The following TMEM108 variants were observed in gnomAD, a reference collection of about 807,000 sequenced individuals.
The protein encoded by TMEM108 is cancer/testis antigen 124.
A neutral mutation model predicts 35.1 loss-of-function variants in TMEM108; 12 were observed. That is an observed-to-expected ratio of 0.34 (90% CI 0.22 to 0.55). The LOEUF (loss-of-function observed/expected upper bound fraction) is 0.55. Ranked by LOEUF, TMEM108 falls within the 20% of genes least tolerant of loss-of-function variation. The pLI, the probability that TMEM108 is intolerant of heterozygous loss-of-function variation, is 0.89. For missense variants in TMEM108, 680 were observed against 753.3 expected (o/e 0.90, Z 1.14); for synonymous variants, 287 against 308.6 (o/e 0.93, Z 0.73).
At chr3:133,117,723 A>G (rs1944304635) in intron 2 of TMEM108, among the ~76,000 whole-genome samples, 1 of 152,242 alleles carries the variant, frequency 6.6e-6, no homozygotes, top group Admixed American at 6.5e-5. Flanking sequence ...TGTCTTGCAC[A>G]CAATAAATGT....
At chr3:133,062,515 C>A (rs1943548378) in intron 2 of TMEM108, among the ~76,000 whole-genome samples, 2 of 152,150 alleles carry the variant, frequency 1.3e-5, no homozygotes, top group African/African-American at 4.8e-5. Context: ...TATAGTCTTA[C>A]CATAAGAATT....
chr3:133,289,911 C>G (rs753896038), intron 3 of TMEM108, among the ~76,000 whole-genome samples: 16 of 152,146 alleles, frequency 1.1e-4, no homozygotes, highest in Non-Finnish European at 2.1e-4. Context: ...TGGCTCACCC[C>G]CCTCATTAGA....
chr3:133,279,495 A>C (rs1350120102), intron 3 of TMEM108, among the ~76,000 whole-genome samples: 1 of 152,242 alleles, frequency 6.6e-6, no homozygotes, highest in Non-Finnish European at 1.5e-5. Context: ...GGTAGGTTAA[A>C]GGAAAATATT....
At chr3:133,179,195 T>G (rs1945289528) in intron 2 of TMEM108, among the ~76,000 whole-genome samples, 1 of 151,576 alleles carries the variant, frequency 6.6e-6, no homozygotes, top group Non-Finnish European at 1.5e-5. Flanking sequence ...GGAACACTTT[T>G]ACACTGTTGG....
At chr3:133,323,752 A>C (rs780580500) in intron 3 of TMEM108, among the ~76,000 whole-genome samples, 1 of 152,216 alleles carries the variant, frequency 6.6e-6, no homozygotes, top group Non-Finnish European at 1.5e-5. Flanking sequence ...ATCTGTTGGC[A>C]TCACATTACC....
intron 2 of TMEM108, among the ~76,000 whole-genome samples, chr3:133,175,533 A>C (rs1192431290): frequency 6.6e-6 from 1 of 152,198 alleles, no homozygotes; most frequent in Non-Finnish European, 1.5e-5. Flanking sequence ...TTCTTAAAGA[A>C]AAGAATTTTC....
intron 3 of TMEM108, among the ~76,000 whole-genome samples, chr3:133,309,682 CTTTTTTTTTTTTTTTTT>C (rs148272827): frequency 3.2e-4 from 22 of 69,196 alleles, no homozygotes; most frequent in Non-Finnish European, 3.9e-4. Flanking sequence ...GAGTGAGTTT[CTTTTTTTTTTTTTTTTT>C]TTTTTTTTTT....
At chr3:133,084,140 T>C (rs1252333254) in intron 2 of TMEM108, among the ~76,000 whole-genome samples, 1 of 151,868 alleles carries the variant, frequency 6.6e-6, no homozygotes, top group African/African-American at 2.4e-5. Context: ...AAAACAGTGA[T>C]TAGGAAATTT....
intron 3 of TMEM108, among the ~76,000 whole-genome samples, chr3:133,293,456 T>C (rs1947101042): frequency 6.6e-6 from 1 of 151,244 alleles, no homozygotes; most frequent in African/African-American, 2.4e-5. Context: ...GGCTATTAAA[T>C]GAATGAGGTT....
chr3:133,105,689 C>G (rs1354235711), intron 2 of TMEM108, among the ~76,000 whole-genome samples: 1 of 152,146 alleles, frequency 6.6e-6, no homozygotes, highest in African/African-American at 2.4e-5. Context: ...CCCAAACTTC[C>G]ACGACTTTCT....
chr3:133,278,996 T>C (rs1197044257), intron 3 of TMEM108, among the ~76,000 whole-genome samples: 1 of 152,136 alleles, frequency 6.6e-6, no homozygotes, highest in African/African-American at 2.4e-5. Context: ...CACCCTTGAG[T>C]TGATTCTTGA....
At chr3:133,178,291 T>C (rs1945270273) in intron 2 of TMEM108, among the ~76,000 whole-genome samples, 1 of 152,216 alleles carries the variant, frequency 6.6e-6, no homozygotes, top group African/African-American at 2.4e-5. Context: ...AATGACTGTC[T>C]TCACAGAATT....
Position 133,352,708 on chromosome 3 carries a change from A to G in TMEM108, c.41-27044A>G, listed in dbSNP as rs75953764. On this transcript the variant is annotated intron_variant, in intron 3 of 5. Transcript: ENST00000321871. ...AAAGAAGACGTGCCTAGGGCAAGGT[A>G]TATGGGAGGGGCACAGAGCTTCCAT... Among the ~76,000 whole-genome samples the G allele has an allele frequency of 6.7e-3, 1,021 of 152,324 alleles. 14 individuals are homozygous for G. Among genetic ancestry groups the G allele is most frequent in the African/African-American group, 0.023 (973 of 41,576 alleles).
chr3:133,201,366 T>C (rs1178441844), intron 2 of TMEM108, among the ~76,000 whole-genome samples: 1 of 152,124 alleles, frequency 6.6e-6, no homozygotes, highest in Non-Finnish European at 1.5e-5. Context: ...GTTACATAGG[T>C]ATACATGTGC....
intron 3 of TMEM108, among the ~76,000 whole-genome samples, chr3:133,329,095 G>A (rs186856382): frequency 6.6e-6 from 1 of 151,568 alleles, no homozygotes; most frequent in African/African-American, 2.4e-5. Context: ...CTGGAATATA[G>A]TAAATAAGTG....
chr3:133,051,693 A>G (rs1258565644), intron 2 of TMEM108, among the ~76,000 whole-genome samples: 1 of 152,064 alleles, frequency 6.6e-6, no homozygotes, highest in East Asian at 1.9e-4. Flanking sequence ...TTTTGTAAAG[A>G]GTGTAAGGTC....
At chr3:133,075,990 G>A (rs1943738232) in intron 2 of TMEM108, among the ~76,000 whole-genome samples, 1 of 152,074 alleles carries the variant, frequency 6.6e-6, no homozygotes, top group Non-Finnish European at 1.5e-5. Flanking sequence ...GGGGTCAGGT[G>A]GTATCTGGAG....
At chr3:133,311,519 T>C (rs1212859020) in intron 3 of TMEM108, among the ~76,000 whole-genome samples, 1 of 152,226 alleles carries the variant, frequency 6.6e-6, no homozygotes, top group Non-Finnish European at 1.5e-5. Flanking sequence ...TTGAAGCTTG[T>C]GCATGTGTCA....
intron 2 of TMEM108, among the ~76,000 whole-genome samples, chr3:133,217,478 T>C (rs6791180): frequency 0.015 from 2,273 of 152,076 alleles, 73 homozygotes; most frequent in African/African-American, 0.051. Context: ...TGCTTTGGGG[T>C]CATATCCAAA....
Sources: gnomAD v4.1 joint callset for allele counts (sites outside exome capture counted in the v4.1 genomes callset) on GRCh38, gnomAD v4.1.1 for gene constraint, MANE v1.5 for transcripts, NCBI Gene and HGNC (gene_info 2026-07-23, HGNC 2026-07-21) for gene names.